ZNF273: variants seen among roughly 807,000 people sequenced by gnomAD.
ZNF273 encodes zinc finger protein 273.
In ZNF273, 11 loss-of-function variants were observed where a neutral mutation model predicts 14.9. That is an observed-to-expected ratio of 0.74 (90% CI 0.46 to 1.22). ZNF273 has a LOEUF of 1.22. Ranked by LOEUF, ZNF273 falls within the 50% of genes most tolerant of loss-of-function variation. ZNF273 has a pLI of 0.00. For synonymous variants in ZNF273, 199 were observed against 223.9 expected (o/e 0.89, Z 0.99); for missense variants, 577 against 660.6 (o/e 0.87, Z 1.39).
chr7:64,928,520 G>T lies in ZNF273; in HGVS notation c.1192G>T (p.Gly398Ter), dbSNP rs1794880681. ...TACTAGACATAAGATAGTTCATACT[G>T]GAGAGAAACCCTACAAATGTGAAGA... ...TLTRHKIVHT[G>*]EKPYKCEECG... is the part of the protein sequence containing the mutation. The change falls in exon 4 of 4, where the codon GGA becomes TGA. Residue 398 changes from glycine to a stop codon, truncating the protein, a stop_gained. Coordinates refer to ENST00000476120, the MANE Select transcript of ZNF273 (RefSeq NM_021148.3). LOFTEE classifies it high-confidence loss of function. 2 of 1,613,804 alleles carry T rather than the reference G, an allele frequency of 1.2e-6. No homozygotes were observed. The highest frequency in any genetic ancestry group is 1.7e-6 in the Non-Finnish European group (2 of 1,179,894).
Position 64,903,374 on chromosome 7 carries a change from G to C in ZNF273, c.57G>C (p.Gly19=), listed in dbSNP as rs749438532. 4.3e-6 allele frequency: 7 copies of C among 1,613,526 alleles called. No homozygotes were observed. In the South Asian group the frequency reaches 7.7e-5, roughly 18 times the overall value. The part of the protein sequence containing the change: ...PSVAPLPAGI[G]RSTAKTPGLP... ...TGGCCCCGTTACCTGCAGGTATTGG[G>C]AGATCCACAGCTAAGACGCCAGGAC... Residue 19 remains glycine (G), a synonymous_variant, in exon 1 of 4, where the codon GGG becomes GGC. Coordinates refer to ENST00000476120, the MANE Select transcript of ZNF273 (RefSeq NM_021148.3).
chr7:64,918,543 C>T (rs1794178960), intron 3 of ZNF273, among the ~76,000 whole-genome samples: 1 of 151,736 alleles, frequency 6.6e-6, no homozygotes, highest in South Asian at 2.1e-4. Flanking sequence ...TGCCTGTAGT[C>T]CCAGCTACTT....
the ZNF273 span, among the ~76,000 whole-genome samples, chr7:64,936,716 T>C: frequency 6.6e-6 from 1 of 152,188 alleles, no homozygotes; most frequent in African/African-American, 2.4e-5. Context: ...TCAGTAAATT[T>C]AGGGAAAAAT....
At chr7:64,904,653 A>T (rs1792965045) in intron 1 of ZNF273, among the ~76,000 whole-genome samples, 1 of 152,170 alleles carries the variant, frequency 6.6e-6, no homozygotes, top group Non-Finnish European at 1.5e-5. Context: ...ACATTATTTT[A>T]GTGTACATTT....
rs760173208 is a variant in ZNF273, at chr7:64,917,704, C to CT, written c.227dup (p.Ile78TyrfsTer5). Reference sequence around the variant, plus strand: ...AGATAACTACAGAAACCTGGTCTTCCTGGGTGAGGATAATTTTAATACATA... The same window carrying CT: ...AGATAACTACAGAAACCTGGTCTTCCTTGGGTGAGGATAATTTTAATACATA... On this transcript the variant is annotated frameshift_variant, in exon 2 of 4. Coordinates refer to ENST00000476120, the MANE Select transcript of ZNF273 (RefSeq NM_021148.3). LOFTEE classifies it high-confidence loss of function. The CT allele has an allele frequency of 6.3e-7, 1 of 1,587,032 alleles. No homozygotes were observed. The highest frequency in any genetic ancestry group is 1.1e-5 in the South Asian group (1 of 89,518).
downstream of ZNF273, among the ~76,000 whole-genome samples, chr7:64,883,221 C>CCG (rs1554378888): frequency 6.8e-6 from 1 of 147,618 alleles, no homozygotes; most frequent in Non-Finnish European, 1.5e-5. Context: ...ACCACCCCCC[C>CCG]CTCACCAAGC....
chr7:64,906,452 T>C (rs1793116761), intron 1 of ZNF273, among the ~76,000 whole-genome samples: 1 of 152,216 alleles, frequency 6.6e-6, no homozygotes, highest in South Asian at 2.1e-4. Context: ...TGTCTTCCCC[T>C]TATATGATCA....
At chr7:64,892,764 G>T (rs775697114), downstream of ZNF273, among the ~76,000 whole-genome samples, 5 of 152,156 alleles carry the variant, frequency 3.3e-5, no homozygotes, top group Non-Finnish European at 7.4e-5. Context: ...GGTTGGACCA[G>T]GTATGTCATT....
chr7:64,918,073 C>A, intron 2 of ZNF273, 124 bp from the exon 3 acceptor site: 1 of 828,876 alleles, frequency 1.2e-6, no homozygotes, highest in Non-Finnish European at 1.7e-6. Flanking sequence ...ATTTACATTA[C>A]TAATTAGATA....
chr7:64,877,853 C>T (rs1267770406), exon 1 of ZNF273: 1 of 152,212 alleles, frequency 6.6e-6, no homozygotes, highest in Non-Finnish European at 1.5e-5. Context: ...CTCCTTGAAA[C>T]TTGCCCCCCT....
chr7:64,887,101 A>C (rs6460206), intron 1 of ZNF273, among the ~76,000 whole-genome samples: 62,850 of 151,874 alleles, frequency 0.41, 13,239 homozygotes, highest in South Asian at 0.44. Flanking sequence ...CTACTTTTCC[A>C]TGGTCGGTAC....
intron 1 of ZNF273, among the ~76,000 whole-genome samples, chr7:64,910,963 G>A (rs1365221876): frequency 1.3e-5 from 2 of 151,326 alleles, no homozygotes; most frequent in Non-Finnish European, 1.5e-5. Context: ...ATGGGGTTTC[G>A]TCGTGTTGGC....
downstream of ZNF273, among the ~76,000 whole-genome samples, chr7:64,891,704 C>T (rs1792048702): frequency 6.6e-6 from 1 of 152,220 alleles, no homozygotes; most frequent in East Asian, 1.9e-4. Flanking sequence ...ACCAGCCAGG[C>T]ACTTTTCCTA....
chr7:64,880,861 T>A (rs1256997943), downstream of ZNF273, among the ~76,000 whole-genome samples: 1 of 152,082 alleles, frequency 6.6e-6, no homozygotes, highest in Non-Finnish European at 1.5e-5. Context: ...ACTCCTTGAA[T>A]CCGCCTCGAT....
At chr7:64,886,548 T>C (rs1240426865) in intron 1 of ZNF273, among the ~76,000 whole-genome samples, 1 of 152,246 alleles carries the variant, frequency 6.6e-6, no homozygotes, top group Admixed American at 6.5e-5. Flanking sequence ...CATTATAATC[T>C]GATGCAGTGG....
chr7:64,928,758 A>G lies in ZNF273; in HGVS notation c.1430A>G (p.Lys477Arg). 1 of 1,613,490 alleles carries G rather than the reference A, an allele frequency of 6.2e-7. No individual in the cohort carries two copies. Among genetic ancestry groups the G allele is most frequent in the Non-Finnish European group, 8.5e-7 (1 of 1,179,836 alleles). Residue 477 changes from lysine (K) to arginine (R), a missense_variant, in exon 4 of 4, where the codon AAG becomes AGG. Around this residue, in one of 3 missense-constraint regions of ZNF273, gnomAD observed 411 missense variants for 440.4 expected, o/e 0.93. Transcript: ENST00000476120. ...GCATTCTCAACCCTTACTGAACATA[A>G]GAGAGTTCATACTGGAGAGAAACCT... The part of the protein sequence containing the change: ...FRAFSTLTEH[K>R]RVHTGEKPYK...
chr7:64,917,601 T>C lies in ZNF273; in HGVS notation c.123T>C (p.Asp41=). The C allele has an allele frequency of 6.3e-7, 1 of 1,599,118 alleles. No homozygotes were observed. Among genetic ancestry groups the C allele is most frequent in the East Asian group, 2.3e-5 (1 of 44,370 alleles). The change falls in exon 2 of 4, where the codon GAT becomes GAC. Residue 41 remains aspartate (D), a synonymous_variant. Coordinates refer to ENST00000476120, the MANE Select transcript of ZNF273 (RefSeq NM_021148.3). ...TTCAGGGACCACTGACATTTAGGGATGTGGCCATAGAATTCTCTCTGGAGG... is the reference window on the plus strand; with the variant it reads ...TTCAGGGACCACTGACATTTAGGGACGTGGCCATAGAATTCTCTCTGGAGG... The part of the protein sequence containing the change: ...SLEMGPLTFR[D]VAIEFSLEEW...
chr7:64,902,920 G>A (rs4718162), upstream of ZNF273, among the ~76,000 whole-genome samples: 61,742 of 151,612 alleles, frequency 0.41, 12,731 homozygotes, highest in South Asian at 0.44. Flanking sequence ...GCAGTTCCCA[G>A]CTTGACTTTT....
intron 1 of ZNF273, among the ~76,000 whole-genome samples, chr7:64,910,007 A>C (rs750215409): frequency 1.3e-4 from 19 of 151,944 alleles, no homozygotes; most frequent in Non-Finnish European, 2.4e-4. Context: ...ACATCTGTTC[A>C]TGCTTTTTTC....
Sources: allele counts gnomAD v4.1 joint callset (sites outside exome capture counted in the v4.1 genomes callset), GRCh38; gene constraint gnomAD v4.1.1; regional missense constraint gnomAD v4.1.1; transcripts MANE v1.5; gene names NCBI Gene and HGNC (gene_info 2026-07-23, HGNC 2026-07-21).